ENPP2: variants seen among roughly 807,000 people sequenced by gnomAD.
ENPP2 encodes ectonucleotide pyrophosphatase/phosphodiesterase 2, also known as autotaxin.
In ENPP2, 51 loss-of-function variants were observed where a neutral mutation model predicts 120.2. The observed-to-expected ratio is 0.42, with a 90% CI of 0.34 to 0.54. The LOEUF is 0.54. ENPP2 is among the 20% of genes least tolerant of loss of function. ENPP2 has a pLI of 0.04. For synonymous variants in ENPP2, 365 were observed against 366.4 expected (o/e 1.00, Z 0.04); for missense variants, 920 against 1,066.5 (o/e 0.86, Z 1.91).
chr8:119,604,307 C>A (rs1159397080), intron 9 of ENPP2, among the ~76,000 whole-genome samples: 1 of 152,140 alleles, frequency 6.6e-6, no homozygotes, highest in East Asian at 1.9e-4. Flanking sequence ...GGATTACAGG[C>A]ATGAGCCACC....
At chr8:119,596,966 C>T (rs1276340560) in intron 11 of ENPP2, among the ~76,000 whole-genome samples, 4 of 151,598 alleles carry the variant, frequency 2.6e-5, no homozygotes, top group African/African-American at 7.3e-5. Flanking sequence ...GCAAGCCTTG[C>T]TGTCTACCTC....
intron 12 of ENPP2, among the ~76,000 whole-genome samples, chr8:119,592,267 C>T (rs987086274): frequency 4.6e-5 from 7 of 152,006 alleles, no homozygotes; most frequent in African/African-American, 1.7e-4. Flanking sequence ...GAGGCCAGGA[C>T]TTCGAGACCG....
chr8:119,652,692 G>T (rs866281714), intron 1 of ENPP2, among the ~76,000 whole-genome samples: 1 of 152,102 alleles, frequency 6.6e-6, no homozygotes. Context: ...TGACACAGAT[G>T]GTAGCCTCCT....
intron 19 of ENPP2, among the ~76,000 whole-genome samples, chr8:119,577,743 C>T (rs1812443433): frequency 6.6e-6 from 1 of 152,236 alleles, no homozygotes; most frequent in South Asian, 2.1e-4. Context: ...GAATTAGAAA[C>T]TCTCAGTGGT....
At chr8:119,568,372 C>A (rs2130049952) in intron 21 of ENPP2, 120 bp from the exon 22 acceptor site, 2 of 661,592 alleles carry the variant, frequency 3.0e-6, no homozygotes, top group East Asian at 2.6e-5. Flanking sequence ...GTAAATGAAT[C>A]TACTCTTTTA....
intron 1 of ENPP2, among the ~76,000 whole-genome samples, chr8:119,669,055 T>G (rs1818164087): frequency 1.3e-5 from 2 of 152,262 alleles, no homozygotes; most frequent in South Asian, 2.1e-4. Context: ...TTGATAACTT[T>G]TGGACTCCTA....
rs372388478 is a variant in ENPP2, at chr8:119,599,864, G to A, written c.972+814C>T. ...CCTACTAAAAATACAAAAATTAGCCGAGCATGGTGGTGCACGCCTGTAATC... is the reference window on the plus strand; with the variant it reads ...CCTACTAAAAATACAAAAATTAGCCAAGCATGGTGGTGCACGCCTGTAATC... On this transcript the variant is annotated intron_variant, in intron 11 of 24. Transcript: ENST00000075322. Among the ~76,000 whole-genome samples the A allele has an allele frequency of 4.6e-5, 7 of 152,156 alleles. No individual in the cohort carries two copies. The East Asian group carries it at 1.2e-3, about 25-fold the overall frequency.
chr8:119,570,306 T>TG (rs1187681007), intron 20 of ENPP2, among the ~76,000 whole-genome samples: 3 of 97,170 alleles, frequency 3.1e-5, no homozygotes, highest in African/African-American at 1.2e-4. Flanking sequence ...ATGCTGATAG[T>TG]GGGGGAGGTT....
intron 1 of ENPP2, among the ~76,000 whole-genome samples, chr8:119,645,073 C>G (rs1817402632): frequency 6.6e-6 from 1 of 152,156 alleles, no homozygotes; most frequent in South Asian, 2.1e-4. Flanking sequence ...ACCCTCCAGT[C>G]TCACTCACAT....
At chr8:119,659,103 C>A (rs2130891397) in intron 1 of ENPP2, among the ~76,000 whole-genome samples, 1 of 151,954 alleles carries the variant, frequency 6.6e-6, no homozygotes, top group Admixed American at 6.6e-5. Context: ...TTGCTTGAGG[C>A]CAGGAGTTCA....
chr8:119,590,334 T>C (rs1172316817), intron 13 of ENPP2, among the ~76,000 whole-genome samples, 171 bp downstream of exon 13: 1 of 152,206 alleles, frequency 6.6e-6, no homozygotes, highest in African/African-American at 2.4e-5. Context: ...ATCCCCATTT[T>C]TCAGATGAAA....
At chr8:119,559,180 A>G (rs1331386368) in intron 24 of ENPP2, among the ~76,000 whole-genome samples, 2 of 152,224 alleles carry the variant, frequency 1.3e-5, no homozygotes, top group African/African-American at 4.8e-5. Flanking sequence ...GGTACTGACC[A>G]GTCCTCAGTG....
chr8:119,635,451 T>C (rs1816942578), intron 2 of ENPP2, among the ~76,000 whole-genome samples: 1 of 152,190 alleles, frequency 6.6e-6, no homozygotes, highest in Non-Finnish European at 1.5e-5. Context: ...AAATCACAAG[T>C]TTCAATAAAA....
chr8:119,595,740 A>T, intron 11 of ENPP2: 1 of 1,051,828 alleles, frequency 9.5e-7, no homozygotes, highest in African/African-American at 1.6e-5. Context: ...TCAATGCACC[A>T]GAGTTTTTCT....
At chr8:119,654,822 A>T (rs1274755787) in intron 1 of ENPP2, among the ~76,000 whole-genome samples, 1 of 152,204 alleles carries the variant, frequency 6.6e-6, no homozygotes, top group Non-Finnish European at 1.5e-5. Flanking sequence ...CTTTGGCTAT[A>T]CAACATCTAA....
intron 1 of ENPP2, among the ~76,000 whole-genome samples, chr8:119,655,028 C>T (rs1289457457): frequency 6.6e-6 from 1 of 152,206 alleles, no homozygotes; most frequent in Non-Finnish European, 1.5e-5. Flanking sequence ...CTTACTATTT[C>T]ACCTCCTGAA....
intron 1 of ENPP2, among the ~76,000 whole-genome samples, chr8:119,665,079 A>G: frequency 6.6e-6 from 1 of 152,094 alleles, no homozygotes; most frequent in Non-Finnish European, 1.5e-5. Context: ...TCCTTTTTAT[A>G]CAGACATCAG....
intron 18 of ENPP2, 63 bp from the exon 19 acceptor site, chr8:119,580,230 T>C (rs181423247): frequency 7.5e-7 from 1 of 1,325,896 alleles, no homozygotes; most frequent in Admixed American, 1.7e-5. Context: ...TTTCCCTCTG[T>C]GCCCTTCTGT....
chr8:119,580,673 T>TTA (rs1812667161), intron 18 of ENPP2: 1 of 152,694 alleles, frequency 6.5e-6, no homozygotes, highest in Non-Finnish European at 1.5e-5. Flanking sequence ...CAGTAATGTC[T>TTA]GTGGCAACAT....
Sources: gnomAD v4.1 joint callset for allele counts (sites outside exome capture counted in the v4.1 genomes callset) on GRCh38, gnomAD v4.1.1 for gene constraint, MANE v1.5 for transcripts, NCBI Gene and HGNC (gene_info 2026-07-23, HGNC 2026-07-21) for gene names.